The following SNX29 variants were observed in gnomAD, a reference collection of about 807,000 sequenced individuals.
The protein encoded by SNX29 is sorting nexin 29, also known as sorting nexin-29.
SNX29 carries 78 observed loss-of-function variants against 102.1 expected under a neutral mutation model. The ratio of observed to expected loss-of-function variants is 0.76; its 90% CI spans 0.64 to 0.92. The LOEUF is 0.92. Among genes scored for constraint, SNX29 ranks in the 40% least tolerant of loss-of-function variants. The pLI is 0.00. For missense variants in SNX29, 1,280 were observed against 1,061.7 expected, an observed-to-expected ratio of 1.21 and a Z score of -2.86; for synonymous variants, 580 against 414.5, an observed-to-expected ratio of 1.40 and a Z score of -4.85.
chr16:12,019,995 C>G (rs2056971907), intron 3 of SNX29, among the ~76,000 whole-genome samples: 1 of 152,034 alleles, frequency 6.6e-6, no homozygotes. Context: ...ACCTATCCTG[C>G]TTATTTTTCA....
rs938757129 is a variant in SNX29, at chr16:12,569,314, C to G, written c.*685C>G. On this transcript the variant is annotated 3_prime_UTR_variant, in exon 21 of 21. Coordinates refer to ENST00000566228, the MANE Select transcript of SNX29 (RefSeq NM_032167.5). ...CCCCCATGGCTGGCTTCAGGAAGGA[C>G]CAGTGCCCTCCATAGCCTGAGGCCA... 1 of 229,710 alleles carries G rather than the reference C, an allele frequency of 4.4e-6. No homozygotes were observed. The highest frequency in any genetic ancestry group is 8.6e-6 in the Non-Finnish European group (1 of 115,922). 14.2% of individuals were successfully genotyped at this position (229,710 alleles called of 1,614,324 possible). A position where few individuals can be genotyped will look rare whatever the true frequency, so the allele number is the denominator to read the frequency against.
chr16:12,361,073 G>A lies in SNX29; in HGVS notation c.1899+4794G>A, dbSNP rs138693228. 7.5e-4 allele frequency among the ~76,000 whole-genome samples: 114 copies of A among 152,316 alleles called. 2 individuals are homozygous for A. The East Asian group carries it at 0.013, about 17-fold the overall frequency. ...CATCCCTGCAGTGGCCCTGCCACCC[G>A]TGTTGCACATTAGAGACTTGGGCAG... On this transcript the variant is annotated intron_variant, in intron 16 of 20. Transcript: ENST00000566228.
chr16:12,223,890 T>G (rs1444091175), intron 14 of SNX29, among the ~76,000 whole-genome samples: 1 of 152,218 alleles, frequency 6.6e-6, no homozygotes, highest in African/African-American at 2.4e-5. Context: ...CCACAGTACT[T>G]TATGATACGT....
intron 15 of SNX29, among the ~76,000 whole-genome samples, chr16:12,278,907 A>G (rs1166430081): frequency 6.6e-6 from 1 of 152,204 alleles, no homozygotes; most frequent in Non-Finnish European, 1.5e-5. Flanking sequence ...CAACCAGATA[A>G]TTATCTTGGT....
intron 20 of SNX29, among the ~76,000 whole-genome samples, chr16:12,562,267 C>CA (rs1209893512): frequency 6.6e-6 from 1 of 152,194 alleles, no homozygotes; most frequent in Non-Finnish European, 1.5e-5. Flanking sequence ...GCAGCATCCC[C>CA]ATGGGCCACG....
At chr16:12,539,728 C>A (rs200166644) in intron 20 of SNX29, among the ~76,000 whole-genome samples, 2 of 152,308 alleles carry the variant, frequency 1.3e-5, no homozygotes, top group African/African-American at 4.8e-5. Flanking sequence ...TGTGGCTGTT[C>A]ACAAGGATGC....
At chr16:12,249,279 G>A (rs1433548142) in intron 14 of SNX29, among the ~76,000 whole-genome samples, 4 of 152,180 alleles carry the variant, frequency 2.6e-5, no homozygotes, top group African/African-American at 9.7e-5. Flanking sequence ...GCTGCTGGCC[G>A]AGTCCTGCCA....
chr16:12,003,463 C>T (rs1163321223), intron 3 of SNX29, among the ~76,000 whole-genome samples: 1 of 151,962 alleles, frequency 6.6e-6, no homozygotes, highest in Non-Finnish European at 1.5e-5. Flanking sequence ...AATTTGTTTT[C>T]AACAGAAAAA....
intron 19 of SNX29, among the ~76,000 whole-genome samples, chr16:12,480,026 CA>C (rs1282853015): frequency 6.6e-6 from 1 of 152,108 alleles, no homozygotes; most frequent in Non-Finnish European, 1.5e-5. Context: ...TGAACTTTAC[CA>C]TGGACAAATG....
At chr16:12,553,532 C>A (rs762210890) in intron 20 of SNX29, among the ~76,000 whole-genome samples, 1 of 152,062 alleles carries the variant, frequency 6.6e-6, no homozygotes, top group African/African-American at 2.4e-5. Context: ...GAGGAGGGAC[C>A]CCACAGAGCA....
At chr16:12,324,126 A>G (rs1189275729) in intron 15 of SNX29, among the ~76,000 whole-genome samples, 2 of 151,974 alleles carry the variant, frequency 1.3e-5, no homozygotes, top group African/African-American at 4.8e-5. Context: ...AAACTTTCAC[A>G]TGAGACTGGG....
chr16:12,206,575 C>T (rs540413707), intron 14 of SNX29, among the ~76,000 whole-genome samples: 83 of 152,098 alleles, frequency 5.5e-4, no homozygotes, highest in Non-Finnish European at 5.6e-4. Flanking sequence ...GTGTGCTGGC[C>T]GCCTTCTCAG....
Position 12,568,653 on chromosome 16 carries a change from G to T in SNX29, c.*24G>T, listed in dbSNP as rs758305919. Reference sequence around the variant, plus strand: ...GACCTCGACAAAACCGCAGCCACGGGCCCTGTGCGTGGCACCAGCTGCGTC... The same window carrying T: ...GACCTCGACAAAACCGCAGCCACGGTCCCTGTGCGTGGCACCAGCTGCGTC... On this transcript the variant is annotated 3_prime_UTR_variant, in exon 21 of 21. Coordinates refer to ENST00000566228, the MANE Select transcript of SNX29 (RefSeq NM_032167.5). The T allele has an allele frequency of 1.1e-5, 18 of 1,598,804 alleles. No individual in the cohort carries two copies. The highest frequency in any genetic ancestry group is 1.4e-5 in the Non-Finnish European group (16 of 1,179,038).
chr16:12,380,190 G>A (rs1030899113), intron 16 of SNX29, among the ~76,000 whole-genome samples: 4 of 134,824 alleles, frequency 3.0e-5, no homozygotes, highest in East Asian at 3.9e-4. Context: ...CCTTGGTCTC[G>A]GTTCCAGGGG....
At chr16:11,987,195 G>T (rs1235418903) in intron 1 of SNX29, among the ~76,000 whole-genome samples, 1 of 151,652 alleles carries the variant, frequency 6.6e-6, no homozygotes, top group Non-Finnish European at 1.5e-5. Context: ...TCCCCAGGAG[G>T]CTGGGACTAC....
intron 2 of SNX29, 88 bp downstream of exon 2, chr16:11,999,446 G>C: frequency 7.8e-7 from 1 of 1,283,142 alleles, no homozygotes; most frequent in Non-Finnish European, 1.1e-6. Context: ...AACATACACA[G>C]ACTAACTCCC....
In SNX29 at chr16:12,181,059, G is replaced by C. The variant is rs148756409; in HGVS notation, c.1596-18542G>C. Among the ~76,000 whole-genome samples, 217 of 152,268 alleles carry C rather than the reference G, an allele frequency of 1.4e-3. 1 individual carries two copies. Among genetic ancestry groups the C allele is most frequent in the African/African-American group, 5.0e-3 (209 of 41,562 alleles). On this transcript the variant is annotated intron_variant, in intron 13 of 20. Coordinates refer to ENST00000566228, the MANE Select transcript of SNX29 (RefSeq NM_032167.5). ...AAGGGAGTCCTGACAGTACAGATTT[G>C]AGAGTCAGTGGAGGTGGGCCTGGGT...
At chr16:12,524,600 G>T (rs183494690) in intron 19 of SNX29, 102 bp from the exon 20 acceptor site, 26 of 1,378,056 alleles carry the variant, frequency 1.9e-5, no homozygotes, top group Non-Finnish European at 2.4e-5. Flanking sequence ...AATCAGTGTT[G>T]GTTGCCTGGA....
intron 20 of SNX29, among the ~76,000 whole-genome samples, chr16:12,535,184 G>T (rs1331304601): frequency 6.6e-6 from 1 of 152,204 alleles, no homozygotes; most frequent in African/African-American, 2.4e-5. Flanking sequence ...TGTCACCAAG[G>T]CTGGAGTGCA....
Sources: allele counts gnomAD v4.1 joint callset (sites outside exome capture counted in the v4.1 genomes callset), GRCh38; gene constraint gnomAD v4.1.1; transcripts MANE v1.5; gene names NCBI Gene and HGNC (gene_info 2026-07-23, HGNC 2026-07-21).